Variants in KCTD8 observed in about 807,000 individuals in gnomAD.
KCTD8 encodes the protein potassium channel tetramerization domain containing 8.
KCTD8 carries 27 observed loss-of-function variants against 31.5 expected under a neutral mutation model. That is an observed-to-expected ratio of 0.86 (90% CI 0.63 to 1.18). The LOEUF (loss-of-function observed/expected upper bound fraction) is 1.18, where lower values mean the gene tolerates loss of function less well. Among genes scored for constraint, KCTD8 ranks in the 50% most tolerant of loss-of-function variants. The pLI is 0.00. For missense variants in KCTD8, 658 were observed against 647.7 expected (o/e 1.02, Z -0.17); for synonymous variants, 290 against 280.0 (o/e 1.04, Z -0.36).
chr4:44,180,076 G>A (rs912969574), intron 1 of KCTD8, among the ~76,000 whole-genome samples: 2 of 152,148 alleles, frequency 1.3e-5, no homozygotes, highest in Non-Finnish European at 2.9e-5. Flanking sequence ...GGAACAACAT[G>A]ACTATTAGAA....
chr4:44,277,486 AGTACACTGTTG>A (rs1716782973), intron 1 of KCTD8, among the ~76,000 whole-genome samples: 2 of 151,986 alleles, frequency 1.3e-5, no homozygotes, highest in South Asian at 4.1e-4. Flanking sequence ...GAAAAGAAAC[AGTACACTGTTG>A]GTACGCTGCA....
intron 1 of KCTD8, among the ~76,000 whole-genome samples, chr4:44,426,462 G>A (rs1346920645): frequency 6.6e-6 from 1 of 151,450 alleles, no homozygotes; most frequent in Admixed American, 6.6e-5. Context: ...AGAGGAGGAT[G>A]GGAGAGAAAA....
chr4:44,415,932 C>T (rs1023331747), intron 1 of KCTD8, among the ~76,000 whole-genome samples: 1 of 152,194 alleles, frequency 6.6e-6, no homozygotes, highest in Non-Finnish European at 1.5e-5. Context: ...AGGGGGCTGC[C>T]ATCCTCCAGA....
At chr4:44,254,805 T>C (rs1346380879) in intron 1 of KCTD8, among the ~76,000 whole-genome samples, 1 of 151,898 alleles carries the variant, frequency 6.6e-6, no homozygotes, top group Non-Finnish European at 1.5e-5. Flanking sequence ...ATGCAGTATG[T>C]AGTTGTTTAC....
intron 1 of KCTD8, among the ~76,000 whole-genome samples, chr4:44,394,709 A>G (rs1242474451): frequency 2.6e-5 from 4 of 152,088 alleles, no homozygotes; most frequent in Non-Finnish European, 4.4e-5. Context: ...ACATCTAGGG[A>G]TTTTGCTTAC....
At chr4:44,320,581 T>C (rs1004166935) in intron 1 of KCTD8, among the ~76,000 whole-genome samples, 4 of 152,130 alleles carry the variant, frequency 2.6e-5, no homozygotes, top group African/African-American at 4.8e-5. Flanking sequence ...CACTGAGTAA[T>C]AGACCTCACC....
chr4:44,418,311 T>C (rs1721125488), intron 1 of KCTD8, among the ~76,000 whole-genome samples: 1 of 152,120 alleles, frequency 6.6e-6, no homozygotes, highest in Non-Finnish European at 1.5e-5. Flanking sequence ...GAGCAAAGGA[T>C]TTGTAATGGG....
At chr4:44,382,045 G>A (rs1720078545) in intron 1 of KCTD8, among the ~76,000 whole-genome samples, 1 of 151,956 alleles carries the variant, frequency 6.6e-6, no homozygotes, top group African/African-American at 2.4e-5. Context: ...AAATATATAG[G>A]TACCCCGAAC....
chr4:44,347,109 A>G (rs1169859703), intron 1 of KCTD8, among the ~76,000 whole-genome samples: 1 of 152,224 alleles, frequency 6.6e-6, no homozygotes, highest in Non-Finnish European at 1.5e-5. Flanking sequence ...AGATGCTGTA[A>G]GAAAGGATAT....
intron 1 of KCTD8, among the ~76,000 whole-genome samples, chr4:44,190,536 G>A (rs1300831842): frequency 1.3e-5 from 2 of 152,138 alleles, no homozygotes; most frequent in Non-Finnish European, 2.9e-5. Flanking sequence ...TTATAACCTA[G>A]ACTTGGCCAA....
At chr4:44,433,481 A>C (rs1577670299) in intron 1 of KCTD8, among the ~76,000 whole-genome samples, 1 of 151,786 alleles carries the variant, frequency 6.6e-6, no homozygotes, top group Non-Finnish European at 1.5e-5. Context: ...GGAAGGTTTT[A>C]TGGAGCTCTT....
At chr4:44,349,062 G>A (rs1004293911) in intron 1 of KCTD8, among the ~76,000 whole-genome samples, 22 of 134,582 alleles carry the variant, frequency 1.6e-4, no homozygotes, top group East Asian at 1.0e-3. Flanking sequence ...CACCACCATC[G>A]CTGCCACCGC....
intron 1 of KCTD8, among the ~76,000 whole-genome samples, chr4:44,299,603 C>G (rs960288710): frequency 6.6e-6 from 1 of 151,728 alleles, no homozygotes; most frequent in Non-Finnish European, 1.5e-5. Context: ...TGGCAAGTGC[C>G]TGTATTCTCA....
chr4:44,389,042 GCTC>G, intron 1 of KCTD8, among the ~76,000 whole-genome samples: 1 of 151,706 alleles, frequency 6.6e-6, no homozygotes, highest in Admixed American at 6.6e-5. Context: ...AACTTCACAA[GCTC>G]TTACTTATTT....
chr4:44,232,244 T>C (rs549759923), intron 1 of KCTD8, among the ~76,000 whole-genome samples: 1 of 152,282 alleles, frequency 6.6e-6, no homozygotes, highest in East Asian at 1.9e-4. Flanking sequence ...CTGCCTCAAA[T>C]GGTCCTGCCT....
chr4:44,411,226 T>A (rs553381712), intron 1 of KCTD8, among the ~76,000 whole-genome samples: 1 of 151,738 alleles, frequency 6.6e-6, no homozygotes, highest in African/African-American at 2.4e-5. Context: ...CTACAAAAAG[T>A]AGTTAACCAG....
intron 1 of KCTD8, among the ~76,000 whole-genome samples, chr4:44,193,118 C>T (rs1713815531): frequency 6.6e-6 from 1 of 152,052 alleles, no homozygotes; most frequent in African/African-American, 2.4e-5. Flanking sequence ...AGATAATAAG[C>T]TGAGATAAAC....
chr4:44,271,884 TG>T (rs1252575207), intron 1 of KCTD8, among the ~76,000 whole-genome samples: 2 of 152,068 alleles, frequency 1.3e-5, no homozygotes, highest in Non-Finnish European at 2.9e-5. Context: ...GTGAGTCCCC[TG>T]ATTTCCCACT....
intron 1 of KCTD8, among the ~76,000 whole-genome samples, chr4:44,441,479 C>T (rs1432018860): frequency 6.6e-6 from 1 of 151,964 alleles, no homozygotes; most frequent in Non-Finnish European, 1.5e-5. Context: ...ATTTTGAGTT[C>T]ACTCATATAC....
Sources: gnomAD v4.1 joint callset for allele counts (sites outside exome capture counted in the v4.1 genomes callset) on GRCh38, gnomAD v4.1.1 for gene constraint, MANE v1.5 for transcripts, NCBI Gene and HGNC (gene_info 2026-07-23, HGNC 2026-07-21) for gene names.